CNTNAP2: variants seen among roughly 807,000 people sequenced by gnomAD.
CNTNAP2 encodes contactin associated protein 2.
CNTNAP2 carries 98 observed loss-of-function variants against 155.2 expected under a neutral mutation model. The ratio of observed to expected loss-of-function variants is 0.63; its 90% CI spans 0.54 to 0.75. The LOEUF is 0.75. Among genes scored for constraint, CNTNAP2 ranks in the 30% least tolerant of loss-of-function variants. CNTNAP2 has a pLI of 0.00. For synonymous variants in CNTNAP2, 651 were observed against 631.2 expected (o/e 1.03, Z -0.47); for missense variants, 1,727 against 1,688.1 (o/e 1.02, Z -0.40).
At chr7:147,368,872 G>A (rs1055232232) in intron 9 of CNTNAP2, among the ~76,000 whole-genome samples, 33 of 152,278 alleles carry the variant, frequency 2.2e-4, no homozygotes, top group Admixed American at 3.9e-4. Flanking sequence ...CTATGTATAA[G>A]ATGCCAACAT....
intron 20 of CNTNAP2, among the ~76,000 whole-genome samples, chr7:148,247,120 A>G (rs1419812778): frequency 6.6e-6 from 1 of 152,118 alleles, no homozygotes; most frequent in Admixed American, 6.5e-5. Context: ...CAAACTATAA[A>G]CCTTAGTGGT....
At chr7:147,896,045 T>C (rs530170663) in intron 13 of CNTNAP2, among the ~76,000 whole-genome samples, 30 of 152,214 alleles carry the variant, frequency 2.0e-4, no homozygotes, top group Non-Finnish European at 3.4e-4. Flanking sequence ...TCAGCCTCAC[T>C]GGGGGCATTC....
chr7:146,505,309 C>T (rs1279655283), intron 1 of CNTNAP2, among the ~76,000 whole-genome samples: 4 of 152,162 alleles, frequency 2.6e-5, no homozygotes, highest in African/African-American at 7.2e-5. Context: ...AGCATGTCAA[C>T]CTATGGTCTA....
At chr7:148,155,184 C>G (rs932860939) in intron 17 of CNTNAP2, among the ~76,000 whole-genome samples, 12 of 152,140 alleles carry the variant, frequency 7.9e-5, no homozygotes, top group Admixed American at 7.2e-4. Flanking sequence ...TACCGAAGGT[C>G]GTGCATTTAG....
At chr7:146,158,388 G>A (rs944943231) in intron 1 of CNTNAP2, among the ~76,000 whole-genome samples, 2 of 152,180 alleles carry the variant, frequency 1.3e-5, no homozygotes, top group Admixed American at 1.3e-4. Flanking sequence ...GATGGAGAAT[G>A]ACTTTGATGA....
At chr7:147,388,612 G>A (rs909441191) in intron 9 of CNTNAP2, among the ~76,000 whole-genome samples, 31 of 150,572 alleles carry the variant, frequency 2.1e-4, no homozygotes, top group Admixed American at 1.5e-3. Flanking sequence ...ATGGAGTCTC[G>A]CCCTGTAACC....
At position 148,415,412 on chromosome 7, in the gene CNTNAP2, G is replaced by A. The variant is rs745770134; in HGVS notation, c.3797-5G>A. ...AACCTCTCGTGCTTCTCCTTTCTCC[G>A]TCAGGCGTCATTGCTGTGGTGATTT... On this transcript the variant is annotated splice_region_variant and splice_polypyrimidine_tract_variant and intron_variant, in intron 23 of 23. Coordinates refer to ENST00000361727, the MANE Select transcript of CNTNAP2 (RefSeq NM_014141.6). The A allele has an allele frequency of 1.2e-5, 19 of 1,612,896 alleles. No homozygotes were observed. The highest frequency in any genetic ancestry group is 8.0e-5 in the African/African-American group (6 of 74,930).
At chr7:147,618,836 A>G (rs1170826825) in intron 12 of CNTNAP2, among the ~76,000 whole-genome samples, 2 of 152,140 alleles carry the variant, frequency 1.3e-5, no homozygotes, top group Admixed American at 1.3e-4. Context: ...AGCTCCAGCC[A>G]TGCAAGGAAT....
At chr7:146,632,540 T>C (rs1374729494) in intron 1 of CNTNAP2, among the ~76,000 whole-genome samples, 2 of 152,058 alleles carry the variant, frequency 1.3e-5, no homozygotes, top group African/African-American at 2.4e-5. Flanking sequence ...TAATACACTA[T>C]GAATATCCAA....
At chr7:146,526,659 A>T (rs1183862867) in intron 1 of CNTNAP2, among the ~76,000 whole-genome samples, 1 of 152,130 alleles carries the variant, frequency 6.6e-6, no homozygotes, top group African/African-American at 2.4e-5. Flanking sequence ...TTGAGTGGGG[A>T]TGTACATTCA....
intron 1 of CNTNAP2, among the ~76,000 whole-genome samples, chr7:146,514,063 T>G (rs1452580171): frequency 6.6e-6 from 1 of 151,998 alleles, no homozygotes; most frequent in African/African-American, 2.4e-5. Flanking sequence ...TGGTTTTCAC[T>G]GAGAATCACT....
chr7:148,116,933 G>T lies in CNTNAP2; in HGVS notation c.2384-1185G>T, dbSNP rs11981677. On this transcript the variant is annotated intron_variant, in intron 15 of 23. Transcript: ENST00000361727. ...TTGGAGTTTAGTATCAGAGCTCAAG[G>T]CTTTAGTAACTGCTTTAAATCACAC... Among the ~76,000 whole-genome samples the T allele has an allele frequency of 3.4e-3, 524 of 152,262 alleles. 3 individuals carry two copies. The highest frequency in any genetic ancestry group is 0.012 in the African/African-American group (507 of 41,550).
intron 2 of CNTNAP2, among the ~76,000 whole-genome samples, chr7:146,824,723 T>C (rs896125433): frequency 2.0e-5 from 3 of 152,150 alleles, no homozygotes; most frequent in Non-Finnish European, 4.4e-5. Flanking sequence ...TATAATATGT[T>C]ACTTAAAGCT....
At position 147,120,959 on chromosome 7, in the gene CNTNAP2, T is replaced by G; in HGVS notation, c.755-20T>G. The G allele has an allele frequency of 6.2e-7, 1 of 1,612,424 alleles. No individual in the cohort carries two copies. The highest frequency in any genetic ancestry group is 8.5e-7 in the Non-Finnish European group (1 of 1,179,512). ...CCATAGCATCATTGCATTGTTTCTT[T>G]TTCACTTCTGTGTACGCAGGAAGCA... is the stretch of plus-strand genomic sequence containing the variant. On this transcript the variant is annotated intron_variant, in intron 5 of 23. Transcript: ENST00000361727.
At chr7:146,120,901 T>G (rs1377421850) in intron 1 of CNTNAP2, among the ~76,000 whole-genome samples, 1 of 152,110 alleles carries the variant, frequency 6.6e-6, no homozygotes, top group Non-Finnish European at 1.5e-5. Context: ...GTGTGTACTC[T>G]ATGATGTTGG....
rs886062051 is a variant in CNTNAP2 at position 147,121,134 on chromosome 7, G to C, written c.910G>C (p.Glu304Gln). 6.2e-7 allele frequency: 1 copy of C among 1,614,028 alleles called. No homozygotes were observed. The highest frequency in any genetic ancestry group is 1.3e-5 in the African/African-American group (1 of 74,920). ...CATGCAGCACTTCCGTACCAATGGA[G>C]AGTTTGACTACCTGGACTTGGACTA... ...RSMQHFRTNG[E>Q]FDYLDLDYEI... is the part of the protein sequence containing the mutation. Residue 304 changes from glutamate (E) to glutamine (Q), a missense_variant, in exon 6 of 24, where the codon GAG (glutamate) becomes CAG (glutamine). Transcript: ENST00000361727.
At chr7:146,216,960 G>A (rs80258378) in intron 1 of CNTNAP2, among the ~76,000 whole-genome samples, 3,070 of 152,266 alleles carry the variant, frequency 0.02, 46 homozygotes, top group Middle Eastern at 0.044. Context: ...TCATAAAACC[G>A]GGTTATGCGC....
chr7:146,909,363 T>A (rs1796224074), intron 3 of CNTNAP2, among the ~76,000 whole-genome samples: 1 of 127,144 alleles, frequency 7.9e-6, no homozygotes, highest in Non-Finnish European at 1.6e-5. Context: ...AACAGAATTT[T>A]AGACCAATAT....
chr7:148,311,926 C>T (rs113505318), intron 21 of CNTNAP2, among the ~76,000 whole-genome samples: 1 of 151,934 alleles, frequency 6.6e-6, no homozygotes, highest in African/African-American at 2.4e-5. Context: ...TGTGTGAGGC[C>T]GGATTGAAGT....
Sources: allele counts gnomAD v4.1 joint callset (sites outside exome capture counted in the v4.1 genomes callset), GRCh38; gene constraint gnomAD v4.1.1; transcripts MANE v1.5; gene names NCBI Gene and HGNC (gene_info 2026-07-23, HGNC 2026-07-21).